Variants in SYT17 observed in about 807,000 individuals in gnomAD.
SYT17 encodes the protein synaptotagmin-17.
Under a neutral mutation model 46.7 loss-of-function variants are expected in SYT17, and 22 were observed. The observed-to-expected ratio is 0.47, with a 90% confidence interval of 0.34 to 0.67. The LOEUF (loss-of-function observed/expected upper bound fraction) is 0.67. Among genes scored for constraint, SYT17 ranks in the 30% least tolerant of loss-of-function variants. SYT17 has a pLI of 0.01. For missense variants in SYT17, 519 were observed against 612.8 expected (o/e 0.85, Z 1.62); for synonymous variants, 251 against 248.4 (o/e 1.01, Z -0.10).
intron 7 of SYT17, among the ~76,000 whole-genome samples, chr16:19,229,700 A>G (rs1966613521): frequency 6.6e-6 from 1 of 152,374 alleles, no homozygotes; most frequent in East Asian, 1.9e-4. Flanking sequence ...TAGCAATTGC[A>G]CTTGTAGGTA....
intron 7 of SYT17, among the ~76,000 whole-genome samples, chr16:19,254,198 C>T (rs1052243965): frequency 6.6e-6 from 1 of 152,218 alleles, no homozygotes; most frequent in Non-Finnish European, 1.5e-5. Context: ...AGGCACCACC[C>T]TCTGCAACTC....
rs546624873 is a variant in SYT17, at chr16:19,215,447, A to G, written c.952-7598A>G. Among the ~76,000 whole-genome samples, 5 of 152,312 alleles carry G rather than the reference A, an allele frequency of 3.3e-5. No homozygotes were observed. The East Asian group carries it at 7.7e-4, about 23-fold the overall frequency. The stretch of plus-strand genomic sequence containing the variant: ...TTTATTTTATTTACTTATTTTTAAG[A>G]TAGGGTCTTTCTCAGTTGCCAAGGA... On this transcript the variant is annotated intron_variant, in intron 5 of 7. Coordinates refer to ENST00000355377, the MANE Select transcript of SYT17 (RefSeq NM_016524.4).
At chr16:19,173,046 T>A (rs1964163819) in intron 2 of SYT17, 2 of 578,272 alleles carry the variant, frequency 3.5e-6, no homozygotes, top group Non-Finnish European at 6.0e-6. Flanking sequence ...TTAAAAATAT[T>A]TTTTCCCCTG....
chr16:19,231,571 C>T (rs1454899808), intron 7 of SYT17, among the ~76,000 whole-genome samples: 1 of 141,924 alleles, frequency 7.0e-6, no homozygotes, highest in Non-Finnish European at 1.5e-5. Context: ...AAGTCTTATT[C>T]CCTTGGCAAA....
chr16:19,222,358 G>A (rs16971719), intron 5 of SYT17, among the ~76,000 whole-genome samples: 2,187 of 152,138 alleles, frequency 0.014, 69 homozygotes, highest in African/African-American at 0.049. Context: ...ACCTTTGGCA[G>A]TATGGAGTCA....
In SYT17 at chr16:19,249,866, A is replaced by G. The variant is rs146827983; in HGVS notation, c.1229-17014A>G. 3,969 of 1,467,106 alleles carry G rather than the reference A, an allele frequency of 2.7e-3. 19 individuals are homozygous for G. The highest frequency in any genetic ancestry group is 9.8e-3 in the Middle Eastern group (53 of 5,418). 90.9% of individuals were successfully genotyped at this position (1,467,106 alleles called of 1,614,324 possible). ...AACCTGGAGTCACTGGGGGCTCCAT[A>G]CTTTCATCCAGGTCGTCTTGTCTTG... On this transcript the variant is annotated intron_variant, in intron 7 of 7. Transcript: ENST00000355377.
At chr16:19,252,824 A>G (rs914373471) in intron 7 of SYT17, among the ~76,000 whole-genome samples, 5 of 151,934 alleles carry the variant, frequency 3.3e-5, no homozygotes, top group Admixed American at 2.6e-4. Context: ...TCAATTGGCC[A>G]GGAAGATCCC....
intron 7 of SYT17, among the ~76,000 whole-genome samples, chr16:19,233,065 G>A (rs1018153828): frequency 6.6e-6 from 1 of 152,164 alleles, no homozygotes; most frequent in Non-Finnish European, 1.5e-5. Flanking sequence ...GCTCTCTTGT[G>A]CAGGCTGGGT....
intron 7 of SYT17, among the ~76,000 whole-genome samples, chr16:19,235,492 T>C (rs1038236482): frequency 6.6e-6 from 1 of 152,230 alleles, no homozygotes; most frequent in Admixed American, 6.5e-5. Context: ...AAGCAAGACC[T>C]AGAGTCTCAT....
chr16:19,173,327 C>G, intron 2 of SYT17, 103 bp from the exon 3 acceptor site: 1 of 719,542 alleles, frequency 1.4e-6, no homozygotes, highest in African/African-American at 1.8e-5. Flanking sequence ...CATCCGAGAT[C>G]GGCTGCTTGT....
intron 5 of SYT17, among the ~76,000 whole-genome samples, chr16:19,185,944 G>C (rs146319751): frequency 0.01 from 1,535 of 152,308 alleles, 19 homozygotes; most frequent in African/African-American, 0.035. Context: ...GGCGGGGAGT[G>C]TTCCCGTTCA....
intron 7 of SYT17, among the ~76,000 whole-genome samples, chr16:19,232,655 A>G (rs1966743833): frequency 6.6e-6 from 1 of 151,358 alleles, no homozygotes; most frequent in African/African-American, 2.4e-5. Context: ...GCATGGCAAA[A>G]CCCCATCTCT....
intron 7 of SYT17, chr16:19,250,228 C>T (rs1967944295): frequency 2.6e-6 from 2 of 755,564 alleles, no homozygotes; most frequent in East Asian, 6.1e-5. Context: ...TTTGCTTTAT[C>T]ACACATCTAT....
intron 7 of SYT17, among the ~76,000 whole-genome samples, chr16:19,240,781 A>T (rs1368529954): frequency 6.6e-6 from 1 of 152,140 alleles, no homozygotes; most frequent in African/African-American, 2.4e-5. Context: ...AGGCACCTGC[A>T]GGCCAGTGGT....
intron 5 of SYT17, among the ~76,000 whole-genome samples, chr16:19,206,538 A>C (rs1965677930): frequency 6.6e-6 from 1 of 152,174 alleles, no homozygotes; most frequent in Admixed American, 6.5e-5. Context: ...CCTTAAAACA[A>C]CAGGAATTTA....
chr16:19,215,063 C>A (rs1466464522), intron 5 of SYT17, among the ~76,000 whole-genome samples: 1 of 152,126 alleles, frequency 6.6e-6, no homozygotes, highest in East Asian at 1.9e-4. Flanking sequence ...GCTGGGATTA[C>A]AGGCATGAGC....
chr16:19,256,437 A>C (rs989929380), intron 7 of SYT17, among the ~76,000 whole-genome samples: 1 of 128,978 alleles, frequency 7.8e-6, no homozygotes, highest in African/African-American at 3.0e-5. Context: ...CCCCTCTTCA[A>C]ACACACACAC....
At chr16:19,190,638 A>G (rs1003606114) in intron 5 of SYT17, among the ~76,000 whole-genome samples, 4 of 152,134 alleles carry the variant, frequency 2.6e-5, no homozygotes, top group Non-Finnish European at 4.4e-5. Flanking sequence ...GGTACCTCAT[A>G]TAAGTAGAGT....
In SYT17 at chr16:19,259,837, G is replaced by A. The variant is rs1021978540; in HGVS notation, c.1229-7043G>A. Among the ~76,000 whole-genome samples, 3 of 152,236 alleles carry A rather than the reference G, an allele frequency of 2.0e-5. No individual in the cohort carries two copies. The East Asian group carries it at 5.8e-4, about 29-fold the overall frequency. On this transcript the variant is annotated intron_variant, in intron 7 of 7. Transcript: ENST00000355377. ...TTGGGAGTTTATTTTCCAAGGTTAC[G>A]GACCTGTGCATGAAACAGCCTCAGG...
Sources: gnomAD v4.1 joint callset for allele counts (sites outside exome capture counted in the v4.1 genomes callset) on GRCh38, gnomAD v4.1.1 for gene constraint, MANE v1.5 for transcripts, NCBI Gene and HGNC (gene_info 2026-07-23, HGNC 2026-07-21) for gene names.